Variants in PTPRN2 observed in about 807,000 individuals in gnomAD.
PTPRN2 encodes the protein receptor-type tyrosine-protein phosphatase N2.
PTPRN2 carries 74 observed loss-of-function variants against 118.8 expected under a neutral mutation model. That is an observed-to-expected ratio of 0.62 (90% CI 0.52 to 0.76). The LOEUF is 0.76. Ranked by LOEUF, PTPRN2 falls within the 30% of genes least tolerant of loss-of-function variation. The pLI, the probability that PTPRN2 is intolerant of heterozygous loss-of-function variation, is 0.00. For missense variants in PTPRN2, 1,481 were observed against 1,394.4 expected (o/e 1.06, Z -0.99); for synonymous variants, 641 against 608.0 (o/e 1.05, Z -0.80).
At chr7:157,563,232 G>A (rs536708549) in intron 21 of PTPRN2, among the ~76,000 whole-genome samples, 9 of 134,156 alleles carry the variant, frequency 6.7e-5, no homozygotes, top group African/African-American at 2.0e-4. Context: ...GCAGGACCAC[G>A]TGCTCCCGCG....
chr7:157,789,279 G>T (rs534005497), intron 12 of PTPRN2, among the ~76,000 whole-genome samples: 1 of 152,360 alleles, frequency 6.6e-6, no homozygotes, highest in South Asian at 2.1e-4. Context: ...CCCTCGAGAA[G>T]CTCCCCGCCC....
chr7:158,182,040 G>A (rs1011577916), intron 5 of PTPRN2, among the ~76,000 whole-genome samples: 1 of 152,100 alleles, frequency 6.6e-6, no homozygotes, highest in African/African-American at 2.4e-5. Context: ...TTCTGATATA[G>A]GCATTTAGCA....
intron 3 of PTPRN2, among the ~76,000 whole-genome samples, chr7:158,291,931 G>A (rs1371334752): frequency 6.6e-6 from 1 of 152,178 alleles, no homozygotes; most frequent in Non-Finnish European, 1.5e-5. Flanking sequence ...ACATCAATTT[G>A]TAATTATCTG....
intron 17 of PTPRN2, among the ~76,000 whole-genome samples, chr7:157,592,693 C>T (rs1024494116): frequency 5.3e-5 from 8 of 150,662 alleles, no homozygotes; most frequent in African/African-American, 1.7e-4. Flanking sequence ...TGGATGTGGG[C>T]ATCATCGTGG....
At chr7:158,037,117 GAAGTT>G (rs1158069485) in intron 11 of PTPRN2, among the ~76,000 whole-genome samples, 6 of 152,156 alleles carry the variant, frequency 3.9e-5, no homozygotes, top group African/African-American at 7.2e-5. Context: ...GAAATAGTTA[GAAGTT>G]AATTTAAAAA....
chr7:158,557,124 G>T (rs373939006), intron 1 of PTPRN2, among the ~76,000 whole-genome samples: 1 of 130,800 alleles, frequency 7.6e-6, no homozygotes, highest in Non-Finnish European at 1.6e-5. Flanking sequence ...TCGCTCCCGC[G>T]CAGGGCAGGC....
At chr7:158,111,780 A>G (rs577502604) in intron 9 of PTPRN2, among the ~76,000 whole-genome samples, 4 of 151,852 alleles carry the variant, frequency 2.6e-5, no homozygotes, top group South Asian at 4.2e-4. Context: ...GTGAATAGAA[A>G]TCAATCATGC....
chr7:158,003,720 C>T lies in PTPRN2; in HGVS notation c.1723+77578G>A, dbSNP rs1805449856. ...GAAGCACGCCATCCGGGCTCCAGCC[C>T]TGCGGTTGGCGGGATCCAGGTTTCT... On this transcript the variant is annotated intron_variant, in intron 11 of 22. Coordinates refer to ENST00000389418, the MANE Select transcript of PTPRN2 (RefSeq NM_002847.5). The surrounding 1 kb of genome is among the most constrained non-coding windows in gnomAD (Gnocchi z 5.0). Among the ~76,000 whole-genome samples the T allele has an allele frequency of 6.6e-6, 1 of 151,876 alleles. No homozygotes were observed. The highest frequency in any genetic ancestry group is 2.4e-5 in the African/African-American group (1 of 41,332).
At position 157,945,127 on chromosome 7, in the gene PTPRN2, G is replaced by A. The variant is rs1800388628; in HGVS notation, c.1724-46390C>T. On this transcript the variant is annotated intron_variant, in intron 11 of 22. Transcript: ENST00000389418. The stretch of plus-strand genomic sequence containing the variant: ...GTGGGAGGAACACGGTGAGAGGTCA[G>A]AGACAGAGCAGGGATCCGTGCAGGG... 2.0e-5 allele frequency among the ~76,000 whole-genome samples: 3 copies of A among 152,180 alleles called. No homozygotes were observed. The South Asian group carries it at 6.2e-4, about 31-fold the overall frequency.
rs151095147 is a variant in PTPRN2 at position 158,370,830 on chromosome 7, T to C, written c.164-53898A>G. The stretch of plus-strand genomic sequence containing the variant: ...AATGAAAGAAAGCAACATGCAAAAG[T>C]GGAATACAAAAAAACTTCCACTTCC... On this transcript the variant is annotated intron_variant, in intron 2 of 22. Coordinates refer to ENST00000389418, the MANE Select transcript of PTPRN2 (RefSeq NM_002847.5). Among the ~76,000 whole-genome samples, 947 of 152,130 alleles carry C rather than the reference T, an allele frequency of 6.2e-3. 6 individuals are homozygous for C. The highest frequency in any genetic ancestry group is 0.021 in the African/African-American group (891 of 41,534).
intron 11 of PTPRN2, among the ~76,000 whole-genome samples, chr7:157,971,762 T>C (rs1407090261): frequency 1.3e-5 from 2 of 152,184 alleles, no homozygotes; most frequent in Non-Finnish European, 2.9e-5. Context: ...TAACAGAGAC[T>C]TCACTGCCAG....
chr7:158,189,772 C>G (rs540534298), intron 5 of PTPRN2, among the ~76,000 whole-genome samples: 1 of 152,348 alleles, frequency 6.6e-6, no homozygotes, highest in South Asian at 2.1e-4. Context: ...GTTACAGAAG[C>G]CTGAAATCTC....
chr7:158,128,270 AGAG>A (rs1817863485), intron 9 of PTPRN2, among the ~76,000 whole-genome samples: 1 of 152,238 alleles, frequency 6.6e-6, no homozygotes, highest in African/African-American at 2.4e-5. Context: ...TTGCAAGAAG[AGAG>A]GAGACCTCAC....
rs199560003 is a variant in PTPRN2, at chr7:158,167,245, G to A, written c.596C>T (p.Thr199Met). ...SESILTYVAH[T>M]SALTYPPGSR... ...CCCGGGAGGGTAGGTCAGCGCAGAC[G>A]TGTGGGCCACATAGGTCAGGATGCT... The change falls in exon 6 of 23, where the codon ACG becomes ATG. Residue 199 changes from threonine (T) to methionine (M), a missense_variant. By Grantham distance (81) the Thr-to-Met change is moderately conservative. This residue lies in a region of PTPRN2 where 1,115 missense variants were observed against 994.2 expected (regional missense o/e 1.12). Transcript: ENST00000389418. The A allele has an allele frequency of 3.6e-5, 58 of 1,612,630 alleles. No individual in the cohort carries two copies. The Admixed American group carries it at 6.2e-4, about 17-fold the overall frequency.
intron 6 of PTPRN2, among the ~76,000 whole-genome samples, chr7:158,161,506 T>C (rs771847043): frequency 6.6e-6 from 1 of 152,146 alleles, no homozygotes; most frequent in Non-Finnish European, 1.5e-5. Flanking sequence ...TCTTAACAAA[T>C]GGTGCTGGAC....
At chr7:157,710,781 G>A (rs1798575860) in intron 12 of PTPRN2, among the ~76,000 whole-genome samples, 1 of 25,110 alleles carries the variant, frequency 4.0e-5, no homozygotes, top group African/African-American at 7.5e-5. Context: ...GGGGTTCCGG[G>A]GCAGCCGGGT....
intron 14 of PTPRN2, among the ~76,000 whole-genome samples, chr7:157,626,225 T>C (rs1479955178): frequency 6.6e-6 from 1 of 152,200 alleles, no homozygotes. Flanking sequence ...CCCTTTCCAG[T>C]TGCTTTTTCA....
At chr7:158,567,688 G>A (rs1195255164) in intron 1 of PTPRN2, among the ~76,000 whole-genome samples, 3 of 152,208 alleles carry the variant, frequency 2.0e-5, no homozygotes, top group Admixed American at 6.5e-5. Context: ...GCATCGTGCC[G>A]AAAGGGGTAG....
intron 11 of PTPRN2, among the ~76,000 whole-genome samples, chr7:157,978,401 G>A (rs980300909): frequency 6.6e-6 from 1 of 151,948 alleles, no homozygotes; most frequent in African/African-American, 2.4e-5. Context: ...ATGGCTTCAC[G>A]TCCTTCCTAA....
Sources: allele counts gnomAD v4.1 joint callset (sites outside exome capture counted in the v4.1 genomes callset), GRCh38; gene constraint gnomAD v4.1.1; regional missense constraint gnomAD v4.1.1; non-coding constraint Gnocchi (gnomAD v3.1); transcripts MANE v1.5; gene names NCBI Gene and HGNC (gene_info 2026-07-23, HGNC 2026-07-21).